HCN1: variants seen among roughly 807,000 people sequenced by gnomAD.
The protein encoded by HCN1 is potassium/sodium hyperpolarization-activated cyclic nucleotide-gated channel 1.
Under a neutral mutation model 78.9 loss-of-function variants are expected in HCN1, and 13 were observed. The observed-to-expected ratio is 0.16, with a 90% confidence interval of 0.11 to 0.26. HCN1 has a LOEUF of 0.26. HCN1 is among the 10% of genes least tolerant of loss of function. The pLI is 1.00. For missense variants in HCN1, 810 were observed against 1,154.3 expected (o/e 0.70, Z 4.32); for synonymous variants, 552 against 455.5 (o/e 1.21, Z -2.70).
intron 4 of HCN1, among the ~76,000 whole-genome samples, chr5:45,360,035 G>A (rs147762985): frequency 2.7e-5 from 4 of 150,706 alleles, no homozygotes; most frequent in African/African-American, 9.7e-5. Flanking sequence ...TGGGTGCCAT[G>A]AAAATTAGTA....
At chr5:45,593,039 T>C (rs917596660) in intron 2 of HCN1, among the ~76,000 whole-genome samples, 39 of 152,244 alleles carry the variant, frequency 2.6e-4, no homozygotes, top group African/African-American at 9.4e-4. Context: ...AAATATCTAC[T>C]TGTTTATTTT....
intron 3 of HCN1, among the ~76,000 whole-genome samples, chr5:45,400,098 C>T (rs1191727191): frequency 6.6e-6 from 1 of 152,016 alleles, no homozygotes; most frequent in African/African-American, 2.4e-5. Context: ...TTTCCTTTCT[C>T]CACATAAGGG....
intron 1 of HCN1, among the ~76,000 whole-genome samples, chr5:45,657,520 A>T (rs1030837749): frequency 6.6e-6 from 1 of 152,144 alleles, no homozygotes; most frequent in African/African-American, 2.4e-5. Flanking sequence ...GGAAATTTTT[A>T]AATTATTTAT....
chr5:45,298,364 A>G (rs566131657), intron 6 of HCN1, among the ~76,000 whole-genome samples: 1 of 152,136 alleles, frequency 6.6e-6, no homozygotes, highest in South Asian at 2.1e-4. Context: ...TATTTCAATT[A>G]CCATTCTCCA....
At chr5:45,623,061 A>G (rs961886462) in intron 2 of HCN1, among the ~76,000 whole-genome samples, 2 of 152,140 alleles carry the variant, frequency 1.3e-5, no homozygotes, top group African/African-American at 4.8e-5. Context: ...GATTACACCT[A>G]GCCAAAGATT....
Position 45,303,580 on chromosome 5 carries a change from T to C in HCN1, c.1618+19A>G, listed in dbSNP as rs1220464343. 6.2e-7 allele frequency: 1 copy of C among 1,612,606 alleles called. No individual in the cohort carries two copies. The highest frequency in any genetic ancestry group is 1.7e-5 in the Admixed American group (1 of 59,882). On this transcript the variant is annotated intron_variant, in intron 6 of 7. Coordinates refer to ENST00000303230, the MANE Select transcript of HCN1 (RefSeq NM_021072.4). ...TCAAGCAGTTTAGATTTCATCTTAG[T>C]TGCATCTTTTTTACTAACCTCCAAA...
chr5:45,286,708 C>T (rs1477687576), intron 6 of HCN1, among the ~76,000 whole-genome samples: 1 of 151,950 alleles, frequency 6.6e-6, no homozygotes, highest in African/African-American at 2.4e-5. Context: ...AAGGGAACTA[C>T]TTAGTGCATA....
At chr5:45,268,344 G>C (rs1490667066) in intron 6 of HCN1, among the ~76,000 whole-genome samples, 1 of 152,072 alleles carries the variant, frequency 6.6e-6, no homozygotes, top group African/African-American at 2.4e-5. Context: ...ACTACTGTAG[G>C]CTTTGATTAT....
rs773441535 is a variant in HCN1 at position 45,695,814 on chromosome 5, T to C, written c.280A>G (p.Met94Val). Reference protein sequence around the residue: ...AEGPRRQYGFMQRQFTSMLQP... With the variant: ...AEGPRRQYGFVQRQFTSMLQP... ...AGCATGGAGGTGAACTGCCTCTGCA[T>C]GAAGCCGTACTGCCGCCGGGGCCCC... The change falls in exon 1 of 8, where the codon ATG (methionine) becomes GTG (valine). Residue 94 changes from methionine (M) to valine (V), a missense_variant. Physicochemically the swap from Met to Val is conservative, Grantham distance 21. This residue lies in a region of HCN1 where 170 missense variants were observed against 166.8 expected (regional missense o/e 1.02). Coordinates refer to ENST00000303230, the MANE Select transcript of HCN1 (RefSeq NM_021072.4). The C allele has an allele frequency of 1.6e-5, 25 of 1,609,162 alleles. No individual in the cohort carries two copies. The highest frequency in any genetic ancestry group is 2.1e-5 in the Non-Finnish European group (25 of 1,179,316).
At chr5:45,653,716 A>G (rs912346694) in intron 1 of HCN1, among the ~76,000 whole-genome samples, 2 of 152,118 alleles carry the variant, frequency 1.3e-5, no homozygotes, top group Non-Finnish European at 2.9e-5. Context: ...TGGGATTTGA[A>G]CAATGAGAAC....
At chr5:45,599,602 A>G (rs746336432) in intron 2 of HCN1, among the ~76,000 whole-genome samples, 16 of 152,286 alleles carry the variant, frequency 1.1e-4, no homozygotes, top group Admixed American at 7.9e-4. Flanking sequence ...AAAAAACAAA[A>G]GATAATCACT....
chr5:45,674,571 A>G (rs1478101766), intron 1 of HCN1, among the ~76,000 whole-genome samples: 1 of 151,816 alleles, frequency 6.6e-6, no homozygotes, highest in Non-Finnish European at 1.5e-5. Context: ...GATACAACTT[A>G]AGAAAATTTG....
chr5:45,310,598 A>G (rs1195085657), intron 5 of HCN1, among the ~76,000 whole-genome samples: 1 of 152,160 alleles, frequency 6.6e-6, no homozygotes, highest in African/African-American at 2.4e-5. Flanking sequence ...ATTGTGGAAG[A>G]CAGTGTAGTG....
intron 2 of HCN1, among the ~76,000 whole-genome samples, chr5:45,568,803 C>T (rs1193580995): frequency 6.6e-6 from 1 of 151,860 alleles, no homozygotes; most frequent in Non-Finnish European, 1.5e-5. Flanking sequence ...TACGTAAGGG[C>T]TCGGAAAACA....
At chr5:45,595,361 A>C (rs984601856) in intron 2 of HCN1, among the ~76,000 whole-genome samples, 1 of 152,138 alleles carries the variant, frequency 6.6e-6, no homozygotes, top group Non-Finnish European at 1.5e-5. Flanking sequence ...ATTTAAAGAC[A>C]GAGCCTTGCT....
At chr5:45,294,133 T>C (rs1204032533) in intron 6 of HCN1, among the ~76,000 whole-genome samples, 3 of 151,926 alleles carry the variant, frequency 2.0e-5, no homozygotes, top group South Asian at 2.1e-4. Context: ...GTTAAACAAA[T>C]ATAATATAGA....
At chr5:45,317,568 TC>T (rs1167594353) in intron 5 of HCN1, among the ~76,000 whole-genome samples, 1 of 152,020 alleles carries the variant, frequency 6.6e-6, no homozygotes, top group Non-Finnish European at 1.5e-5. Context: ...ACAAATGGGA[TC>T]TAATTAAACT....
chr5:45,691,503 T>C (rs1739913380), intron 1 of HCN1, among the ~76,000 whole-genome samples: 1 of 152,152 alleles, frequency 6.6e-6, no homozygotes, highest in East Asian at 1.9e-4. Context: ...TCATGTTGTG[T>C]CTAACAGTTG....
At chr5:45,338,870 T>C (rs1447259384) in intron 5 of HCN1, among the ~76,000 whole-genome samples, 1 of 152,190 alleles carries the variant, frequency 6.6e-6, no homozygotes. Flanking sequence ...TAATAACTTG[T>C]TATCTTTCTG....
Sources: gnomAD v4.1 joint callset for allele counts (sites outside exome capture counted in the v4.1 genomes callset) on GRCh38, gnomAD v4.1.1 for gene constraint, gnomAD v4.1.1 regional missense constraint, MANE v1.5 for transcripts, NCBI Gene and HGNC (gene_info 2026-07-23, HGNC 2026-07-21) for gene names.